SH3RF1: variants seen among roughly 807,000 people sequenced by gnomAD.
SH3RF1 encodes the protein SH3 domain containing ring finger 1, also known as E3 ubiquitin-protein ligase SH3RF1.
SH3RF1 carries 32 observed loss-of-function variants against 74.0 expected under a neutral mutation model. That is an observed-to-expected ratio of 0.43 (90% CI 0.33 to 0.58). The LOEUF (loss-of-function observed/expected upper bound fraction) is 0.58, where lower values mean the gene tolerates loss of function less well. SH3RF1 is among the 20% of genes least tolerant of loss of function. The probability of loss-of-function intolerance (pLI) is 0.05; values close to 1 mark genes in which losing one functional copy is unlikely to be tolerated. For missense variants in SH3RF1, 954 were observed against 1,130.9 expected (o/e 0.84, Z 2.24); for synonymous variants, 396 against 439.6 (o/e 0.90, Z 1.24).
At chr4:169,140,701 C>G (rs1258077590) in intron 4 of SH3RF1, among the ~76,000 whole-genome samples, 1 of 151,932 alleles carries the variant, frequency 6.6e-6, no homozygotes, top group East Asian at 1.9e-4. Context: ...GAGAATATAG[C>G]CTTTTTTAAA....
intron 2 of SH3RF1, among the ~76,000 whole-genome samples, chr4:169,212,031 T>G (rs1730383240): frequency 6.6e-6 from 1 of 151,542 alleles, no homozygotes; most frequent in Non-Finnish European, 1.5e-5. Context: ...AAGATCTTGT[T>G]TTCTAATTTT....
At chr4:169,144,465 C>A (rs1421219074) in intron 4 of SH3RF1, among the ~76,000 whole-genome samples, 2 of 152,256 alleles carry the variant, frequency 1.3e-5, no homozygotes, top group East Asian at 3.9e-4. Flanking sequence ...CTTTTACTCA[C>A]CCAAATGTTT....
intron 2 of SH3RF1, among the ~76,000 whole-genome samples, chr4:169,199,615 G>A (rs1367336802): frequency 1.0e-4 from 15 of 149,134 alleles, no homozygotes; most frequent in African/African-American, 2.0e-4. Flanking sequence ...TAGTGAATGC[G>A]CAAAAAAAAA....
At position 169,137,704 on chromosome 4, in the gene SH3RF1, T is replaced by C. The variant is rs185345568; in HGVS notation, c.766-1084A>G. Among the ~76,000 whole-genome samples the C allele has an allele frequency of 2.0e-3, 307 of 152,306 alleles. 1 individual carries two copies. The highest frequency in any genetic ancestry group is 7.1e-3 in the African/African-American group (295 of 41,568). On this transcript the variant is annotated intron_variant, in intron 4 of 11. Transcript: ENST00000284637. ...ATGTCTTCTCATCCTGTTGATAAGA[T>C]CACTCTACTAGAAGAATGGAAACTC...
intron 4 of SH3RF1, among the ~76,000 whole-genome samples, chr4:169,145,025 C>T (rs1416852360): frequency 6.6e-6 from 1 of 152,088 alleles, no homozygotes; most frequent in African/African-American, 2.4e-5. Flanking sequence ...ATGAAAAAGG[C>T]AAAGAGTTTC....
chr4:169,246,759 T>C (rs1350460113), intron 2 of SH3RF1, among the ~76,000 whole-genome samples: 1 of 152,234 alleles, frequency 6.6e-6, no homozygotes. Flanking sequence ...CAAACTTACA[T>C]TAACTGGGTC....
At chr4:169,159,375 C>CAG (rs762904420) in intron 2 of SH3RF1, among the ~76,000 whole-genome samples, 4 of 151,748 alleles carry the variant, frequency 2.6e-5, no homozygotes, top group African/African-American at 4.8e-5. Flanking sequence ...CAGCAATCGA[C>CAG]AGAGAGAGAG....
At chr4:169,228,407 T>C (rs1458945024) in intron 2 of SH3RF1, among the ~76,000 whole-genome samples, 1 of 152,142 alleles carries the variant, frequency 6.6e-6, no homozygotes, top group Non-Finnish European at 1.5e-5. Flanking sequence ...CTGGAGGTTC[T>C]AGGGGAAAAA....
intron 10 of SH3RF1, among the ~76,000 whole-genome samples, 161 bp downstream of exon 10, chr4:169,116,108 A>ACTCT (rs1277547783): frequency 1.3e-5 from 2 of 151,684 alleles, no homozygotes; most frequent in African/African-American, 4.8e-5. Context: ...TTTCTTCCCC[A>ACTCT]CTCTACTCCT....
At chr4:169,216,632 G>C (rs1730468509) in intron 2 of SH3RF1, among the ~76,000 whole-genome samples, 1 of 152,164 alleles carries the variant, frequency 6.6e-6, no homozygotes, top group African/African-American at 2.4e-5. Context: ...GTTGAGCCCA[G>C]TGGTTTGAGA....
chr4:169,136,272 T>C, intron 5 of SH3RF1, 46 bp downstream of exon 5: 1 of 1,354,358 alleles, frequency 7.4e-7, no homozygotes, highest in Non-Finnish European at 9.6e-7. Context: ...AAGTTGATCC[T>C]TTTGTGGGTG....
Position 169,268,856 on chromosome 4 carries a change from C to T in SH3RF1, c.357G>A (p.Gln119=). ...SKDLQSSQGG[Q]QPRVQSWSPP... Reference sequence around the variant, plus strand: ...GGCTCCAGGATTGCACCCGAGGCTGCTGTCCGCCCTGGGAGCTCTGCAGAT... The same window carrying T: ...GGCTCCAGGATTGCACCCGAGGCTGTTGTCCGCCCTGGGAGCTCTGCAGAT... Residue 119 remains glutamine, a synonymous_variant, in exon 2 of 12, where the codon CAG becomes CAA. Coordinates refer to ENST00000284637, the MANE Select transcript of SH3RF1 (RefSeq NM_020870.4). The T allele has an allele frequency of 1.9e-6, 3 of 1,609,118 alleles. No homozygotes were observed. The highest frequency in any genetic ancestry group is 4.5e-5 in the East Asian group (2 of 44,878).
intron 2 of SH3RF1, among the ~76,000 whole-genome samples, chr4:169,232,047 T>C (rs946552566): frequency 1.3e-5 from 2 of 152,174 alleles, no homozygotes; most frequent in African/African-American, 4.8e-5. Context: ...TCTGGTTAGG[T>C]AGACAGGTAC....
At chr4:169,132,724 T>C (rs1011811893) in intron 5 of SH3RF1, among the ~76,000 whole-genome samples, 2 of 152,070 alleles carry the variant, frequency 1.3e-5, no homozygotes, top group African/African-American at 4.8e-5. Flanking sequence ...TGGGGGTTTA[T>C]TGCTTTCCCT....
intron 7 of SH3RF1, among the ~76,000 whole-genome samples, chr4:169,121,573 C>T (rs1240389585): frequency 2.0e-5 from 3 of 152,158 alleles, no homozygotes; most frequent in Non-Finnish European, 4.4e-5. Flanking sequence ...ACTGTGCCCA[C>T]GAACACATGG....
intron 2 of SH3RF1, among the ~76,000 whole-genome samples, chr4:169,187,252 G>T (rs546775344): frequency 1.4e-4 from 22 of 152,254 alleles, no homozygotes; most frequent in Admixed American, 5.9e-4. Context: ...AGGCTAGAGC[G>T]CAGTGGTGTA....
chr4:169,113,024 T>C (rs1476221507), intron 10 of SH3RF1, among the ~76,000 whole-genome samples: 1 of 151,970 alleles, frequency 6.6e-6, no homozygotes, highest in Non-Finnish European at 1.5e-5. Flanking sequence ...GCAGAAGAAA[T>C]GCAACCAATA....
At chr4:169,254,836 G>A (rs1731161004) in intron 2 of SH3RF1, among the ~76,000 whole-genome samples, 1 of 152,162 alleles carries the variant, frequency 6.6e-6, no homozygotes, top group Non-Finnish European at 1.5e-5. Context: ...CCAAAGGAGA[G>A]TGACTAAAAT....
At chr4:169,218,609 G>A (rs989557958) in intron 2 of SH3RF1, among the ~76,000 whole-genome samples, 3 of 151,192 alleles carry the variant, frequency 2.0e-5, no homozygotes, top group African/African-American at 7.3e-5. Context: ...TCACTCACAG[G>A]GAAGGGCAGC....
Sources: allele counts gnomAD v4.1 joint callset (sites outside exome capture counted in the v4.1 genomes callset), GRCh38; gene constraint gnomAD v4.1.1; transcripts MANE v1.5; gene names NCBI Gene and HGNC (gene_info 2026-07-23, HGNC 2026-07-21).